TBC1D8: variants seen among roughly 807,000 people sequenced by gnomAD.
The protein encoded by TBC1D8 is TBC1 domain family member 8.
Under a neutral mutation model 118.8 loss-of-function variants are expected in TBC1D8, and 65 were observed. The ratio of observed to expected loss-of-function variants is 0.55; its 90% CI spans 0.45 to 0.67. The LOEUF is 0.67. Ranked by LOEUF, TBC1D8 falls within the 30% of genes least tolerant of loss-of-function variation. The pLI is 0.00. For synonymous variants in TBC1D8, 566 were observed against 595.8 expected (o/e 0.95, Z 0.73); for missense variants, 1,376 against 1,471.2 (o/e 0.94, Z 1.06).
At chr2:101,056,925 T>C (rs1682472689) in intron 3 of TBC1D8, among the ~76,000 whole-genome samples, 2 of 152,184 alleles carry the variant, frequency 1.3e-5, no homozygotes, top group Non-Finnish European at 2.9e-5. Context: ...TATTCCCAGA[T>C]CCTTAGGATT....
At chr2:101,106,851 C>T (rs1677251621) in intron 1 of TBC1D8, among the ~76,000 whole-genome samples, 1 of 152,204 alleles carries the variant, frequency 6.6e-6, no homozygotes, top group Non-Finnish European at 1.5e-5. Context: ...GTATTCAATA[C>T]ATTACATGAG....
Position 101,151,108 on chromosome 2 carries a change from G to T in TBC1D8, c.127+19C>A. ...GGCCCCGGGCCCGGCCGCCGCGCCC[G>T]CCCCGGCGAGCCCCTTACCGGTGAG... On this transcript the variant is annotated intron_variant, in intron 1 of 19. Coordinates refer to ENST00000409318, the MANE Select transcript of TBC1D8 (RefSeq NM_001330348.2). 1.0e-6 allele frequency: 1 copy of T among 974,470 alleles called. No homozygotes were observed. The highest frequency in any genetic ancestry group is 4.7e-5 in the South Asian group (1 of 21,196). The allele number at this position is 974,470 out of a possible 1,614,324, so 60.4% of individuals were successfully genotyped here.
intron 1 of TBC1D8, among the ~76,000 whole-genome samples, chr2:101,132,581 A>C (rs1265900054): frequency 1.3e-5 from 2 of 152,200 alleles, no homozygotes; most frequent in South Asian, 2.1e-4. Context: ...TTTGTGTTTG[A>C]CAATTTTGAT....
chr2:101,085,559 G>C (rs2105451697), intron 2 of TBC1D8, among the ~76,000 whole-genome samples: 1 of 152,216 alleles, frequency 6.6e-6, no homozygotes, highest in Non-Finnish European at 1.5e-5. Context: ...TAACGTCCGG[G>C]ATAACGATGC....
intron 3 of TBC1D8, among the ~76,000 whole-genome samples, chr2:101,057,947 C>T (rs1040457790): frequency 2.6e-5 from 4 of 152,202 alleles, no homozygotes; most frequent in Admixed American, 6.5e-5. Flanking sequence ...TCTACAGAAG[C>T]CGTTTTAAAA....
intron 1 of TBC1D8, among the ~76,000 whole-genome samples, chr2:101,127,392 C>T (rs1371681678): frequency 6.6e-6 from 1 of 151,506 alleles, no homozygotes; most frequent in Non-Finnish European, 1.5e-5. Context: ...CCCTAAAGAT[C>T]TTAGAATGAC....
At chr2:101,085,023 G>GT (rs777546978) in intron 2 of TBC1D8, among the ~76,000 whole-genome samples, 101 of 149,656 alleles carry the variant, frequency 6.7e-4, no homozygotes, top group Non-Finnish European at 9.8e-4. Context: ...TAATTTTTTT[G>GT]TTTTTTTTTA....
intron 3 of TBC1D8, among the ~76,000 whole-genome samples, chr2:101,054,574 C>A (rs1173925604): frequency 6.6e-6 from 1 of 151,284 alleles, no homozygotes; most frequent in Non-Finnish European, 1.5e-5. Context: ...ACCCAAGAAC[C>A]AGTCTCTCAC....
At chr2:101,059,789 ATT>A in intron 2 of TBC1D8, among the ~76,000 whole-genome samples, 1 of 152,184 alleles carries the variant, frequency 6.6e-6, no homozygotes, top group Non-Finnish European at 1.5e-5. Context: ...AATGCAAAAA[ATT>A]AGCCGGGCGT....
chr2:101,022,345 C>A lies in TBC1D8; in HGVS notation c.2697G>T (p.Thr899=). The part of the protein sequence containing the change: ...GAHTEILAER[T]FRLLDDNMDQ... Reference sequence around the variant, plus strand: ...CCATGTTGTCATCCAAGAGCCTGAACGTCCTTTCGGCGAGGATCTCCGTGT... The same window carrying A: ...CCATGTTGTCATCCAAGAGCCTGAAAGTCCTTTCGGCGAGGATCTCCGTGT... Residue 899 remains threonine, a synonymous_variant, in exon 16 of 20, where the codon ACG becomes ACT. Transcript: ENST00000409318. 6.2e-7 allele frequency: 1 copy of A among 1,612,628 alleles called. No homozygotes were observed. The highest frequency in any genetic ancestry group is 8.5e-7 in the Non-Finnish European group (1 of 1,179,602).
At chr2:101,130,267 C>T (rs573264188) in intron 1 of TBC1D8, among the ~76,000 whole-genome samples, 2 of 152,358 alleles carry the variant, frequency 1.3e-5, no homozygotes, top group East Asian at 1.9e-4. Flanking sequence ...GGCCTGGAAG[C>T]GTCGATCGGG....
chr2:101,104,238 T>G lies in TBC1D8; in HGVS notation c.128-13874A>C, dbSNP rs537494924. 6.8e-3 allele frequency among the ~76,000 whole-genome samples: 1,030 copies of G among 151,706 alleles called. 9 individuals carry two copies. Among genetic ancestry groups the G allele is most frequent in the African/African-American group, 0.024 (972 of 41,328 alleles). ...CAAAGGAGATCTAAATAGATAGATA[T>G]TCCACATTCATGGTTTAGAAGATTT... is the stretch of plus-strand genomic sequence containing the variant. On this transcript the variant is annotated intron_variant, in intron 1 of 19. Coordinates refer to ENST00000409318, the MANE Select transcript of TBC1D8 (RefSeq NM_001330348.2).
At chr2:101,055,722 C>G (rs1682382127) in intron 3 of TBC1D8, among the ~76,000 whole-genome samples, 2 of 152,146 alleles carry the variant, frequency 1.3e-5, no homozygotes, top group African/African-American at 4.8e-5. Context: ...ATTTCCCATC[C>G]CTGGGAGCTC....
intron 17 of TBC1D8, among the ~76,000 whole-genome samples, chr2:101,013,758 G>A (rs1438931461): frequency 6.6e-6 from 1 of 152,310 alleles, no homozygotes; most frequent in East Asian, 1.9e-4. Context: ...TCCACCATAA[G>A]TGTCTTCTCT....
At chr2:101,134,884 C>T (rs72982932) in intron 1 of TBC1D8, among the ~76,000 whole-genome samples, 5,404 of 152,214 alleles carry the variant, frequency 0.036, 325 homozygotes, top group African/African-American at 0.12. Context: ...ACAGAAAAAG[C>T]CATATTTGGC....
intron 10 of TBC1D8, chr2:101,033,273 T>C (rs1366331239): frequency 2.3e-5 from 11 of 468,338 alleles, no homozygotes; most frequent in African/African-American, 9.9e-5. Flanking sequence ...CGCGCCACCA[T>C]GCCCAGCTAA....
At chr2:101,019,374 T>C in intron 17 of TBC1D8, 1 of 194,618 alleles carries the variant, frequency 5.1e-6, no homozygotes, top group Non-Finnish European at 1.0e-5. Context: ...AAAAAGTTTT[T>C]CATTATGAAA....
chr2:101,034,714 A>T (rs1186461193), intron 9 of TBC1D8, among the ~76,000 whole-genome samples: 1 of 152,230 alleles, frequency 6.6e-6, no homozygotes, highest in Non-Finnish European at 1.5e-5. Flanking sequence ...CACGCCTCAC[A>T]ATCAGGTGGT....
Position 101,061,680 on chromosome 2 carries a change from G to A in TBC1D8, c.284-2141C>T, listed in dbSNP as rs116622982. Among the ~76,000 whole-genome samples, 1,468 of 151,954 alleles carry A rather than the reference G, an allele frequency of 9.7e-3. 23 individuals carry two copies. Among genetic ancestry groups the A allele is most frequent in the African/African-American group, 0.033 (1,378 of 41,420 alleles). ...CTGCTGCCCCTCGGTCCCACCTCCCGTGTCATGCTCTCCATGGATCACAGA... is the reference window on the plus strand; with the variant it reads ...CTGCTGCCCCTCGGTCCCACCTCCCATGTCATGCTCTCCATGGATCACAGA... On this transcript the variant is annotated intron_variant, in intron 2 of 19. Coordinates refer to ENST00000409318, the MANE Select transcript of TBC1D8 (RefSeq NM_001330348.2).
Sources: allele counts gnomAD v4.1 joint callset (sites outside exome capture counted in the v4.1 genomes callset), GRCh38; gene constraint gnomAD v4.1.1; transcripts MANE v1.5; gene names NCBI Gene and HGNC (gene_info 2026-07-23, HGNC 2026-07-21).